NOM1: variants seen among roughly 807,000 people sequenced by gnomAD.
NOM1 encodes the protein nucleolar protein with MIF4G domain 1.
NOM1 carries 58 observed loss-of-function variants against 73.3 expected under a neutral mutation model. That is an observed-to-expected ratio of 0.79 (90% CI 0.64 to 0.99). The LOEUF (loss-of-function observed/expected upper bound fraction) is 0.99. Ranked by LOEUF, NOM1 falls within the 50% of genes least tolerant of loss-of-function variation. The pLI, the probability that NOM1 is intolerant of heterozygous loss-of-function variation, is 0.00. For missense variants in NOM1, 1,226 were observed against 1,131.9 expected, an observed-to-expected ratio of 1.08 and a Z score of -1.19; for synonymous variants, 487 against 446.8, an observed-to-expected ratio of 1.09 and a Z score of -1.14.
rs1483564443 is a variant in NOM1, at chr7:156,952,602, A to G, written c.1112+4A>G. 5.6e-6 allele frequency: 9 copies of G among 1,611,722 alleles called. No individual in the cohort carries two copies. The highest frequency in any genetic ancestry group is 7.6e-6 in the Non-Finnish European group (9 of 1,179,486). ...ATGTAAAAGGTCTACTTAACAGGTG[A>G]CCTTGTAGTGTTGTTACACTGTGTC... On this transcript the variant is annotated splice_donor_region_variant and intron_variant, in intron 2 of 10. Coordinates refer to ENST00000275820, the MANE Select transcript of NOM1 (RefSeq NM_138400.2).
intron 9 of NOM1, among the ~76,000 whole-genome samples, chr7:156,967,378 A>G (rs1031909167): frequency 1.3e-5 from 2 of 152,218 alleles, no homozygotes; most frequent in African/African-American, 2.4e-5. Context: ...TGAACTGGTC[A>G]CTGTTAGTGA....
chr7:156,968,995 T>C, intron 9 of NOM1, 92 bp from the exon 10 acceptor site: 3 of 730,626 alleles, frequency 4.1e-6, no homozygotes, highest in Non-Finnish European at 7.3e-6. Context: ...AGGGGGGAGA[T>C]TAATTTTTAC....
intron 3 of NOM1, among the ~76,000 whole-genome samples, chr7:156,956,669 C>T (rs1418691498): frequency 6.6e-6 from 1 of 152,202 alleles, no homozygotes; most frequent in South Asian, 2.1e-4. Flanking sequence ...CATCTGAGTG[C>T]GGGACTCTTC....
At chr7:156,951,295 A>G (rs11763646) in intron 1 of NOM1, among the ~76,000 whole-genome samples, 29,206 of 151,992 alleles carry the variant, frequency 0.19, 3,001 homozygotes, top group East Asian at 0.29. Context: ...CTACTTGGGA[A>G]GCTGAGGCTT....
chr7:156,951,448 T>C (rs1457384346), intron 1 of NOM1, among the ~76,000 whole-genome samples: 1 of 152,232 alleles, frequency 6.6e-6, no homozygotes, highest in Non-Finnish European at 1.5e-5. Flanking sequence ...GGCTGTCATC[T>C]TGCATATTTT....
At chr7:156,953,889 C>G (rs1201495315) in intron 2 of NOM1, among the ~76,000 whole-genome samples, 2 of 152,154 alleles carry the variant, frequency 1.3e-5, no homozygotes, top group African/African-American at 4.8e-5. Flanking sequence ...CTTGTAAAGA[C>G]AGCAATTACA....
At chr7:156,966,620 T>C (rs1805005007) in intron 8 of NOM1, among the ~76,000 whole-genome samples, 1 of 152,188 alleles carries the variant, frequency 6.6e-6, no homozygotes, top group Non-Finnish European at 1.5e-5. Flanking sequence ...TGTCACCTGC[T>C]TCTGCCACAG....
Position 156,949,831 on chromosome 7 carries a change from C to T in NOM1, c.94C>T (p.Arg32Cys), listed in dbSNP as rs1051512260. 4.6e-5 allele frequency: 67 copies of T among 1,449,824 alleles called. No individual in the cohort carries two copies. The highest frequency in any genetic ancestry group is 1.8e-4 in the Middle Eastern group (1 of 5,490). 89.8% of individuals were successfully genotyped at this position (1,449,824 alleles called of 1,614,324 possible). The change falls in exon 1 of 11, where the codon CGC (arginine) becomes TGC (cysteine). Residue 32 changes from arginine to cysteine, a missense_variant. Arg to Cys is a radical substitution (Grantham distance 180). Coordinates refer to ENST00000275820, the MANE Select transcript of NOM1 (RefSeq NM_138400.2). ...GCGCAGAGGCGGGCGCGGGCCGCGC[C>T]GCGGTCCTGCTGGCGGTGGGGAGAA... is the stretch of plus-strand genomic sequence containing the variant. ...MKRRGGRGPRRGPAGGGEKAL... is the reference protein window; with the variant it reads ...MKRRGGRGPRCGPAGGGEKAL...
At chr7:156,950,872 G>C (rs1804575788) in intron 1 of NOM1, 148 bp downstream of exon 1, 1 of 712,622 alleles carries the variant, frequency 1.4e-6, no homozygotes, top group African/African-American at 1.8e-5. Context: ...TACTCTATTC[G>C]GTCTTCTTTC....
chr7:156,962,542 C>CG (rs1392661359), intron 5 of NOM1, among the ~76,000 whole-genome samples: 2 of 152,186 alleles, frequency 1.3e-5, no homozygotes, highest in Non-Finnish European at 1.5e-5. Context: ...TTGGATCATC[C>CG]GATGCTTTCA....
intron 4 of NOM1, 116 bp from the exon 5 acceptor site, chr7:156,962,035 T>A: frequency 1.3e-6 from 1 of 783,212 alleles, no homozygotes; most frequent in Non-Finnish European, 2.2e-6. Flanking sequence ...GTCCTGACTT[T>A]GTATCGTGGC....
At chr7:156,955,899 C>T (rs993897393) in intron 3 of NOM1, among the ~76,000 whole-genome samples, 1 of 152,124 alleles carries the variant, frequency 6.6e-6, no homozygotes, top group Non-Finnish European at 1.5e-5. Context: ...TTAAGATGCA[C>T]ATATTTGCCG....
chr7:156,954,434 A>T, intron 3 of NOM1, 136 bp downstream of exon 3: 1 of 625,166 alleles, frequency 1.6e-6, no homozygotes. Context: ...TAAATACTCT[A>T]TTGTCTATGT....
intron 10 of NOM1, 50 bp from the exon 11 acceptor site, chr7:156,969,479 T>C (rs762672066): frequency 2.0e-6 from 3 of 1,519,638 alleles, no homozygotes; most frequent in South Asian, 2.4e-5. Flanking sequence ...GATTGAGATC[T>C]AGGAGAGGCC....
chr7:156,957,774 C>CAAAAAAAAAAAA (rs10549596), intron 3 of NOM1, among the ~76,000 whole-genome samples: 1 of 115,542 alleles, frequency 8.7e-6, no homozygotes, highest in Non-Finnish European at 1.7e-5. Context: ...GACTCCGTCT[C>CAAAAAAAAAAAA]AAAAAAAAAA....
intron 3 of NOM1, among the ~76,000 whole-genome samples, chr7:156,955,915 G>T (rs1182923362): frequency 6.6e-6 from 1 of 152,202 alleles, no homozygotes; most frequent in Non-Finnish European, 1.5e-5. Context: ...TGCCGGCCGG[G>T]CGCGGTGGCT....
chr7:156,954,426 A>T, intron 3 of NOM1, 128 bp downstream of exon 3: 1 of 691,212 alleles, frequency 1.4e-6, no homozygotes, highest in South Asian at 2.5e-5. Context: ...GTTGTGAATA[A>T]ATACTCTATT....
intron 4 of NOM1, chr7:156,960,379 T>A: frequency 3.6e-6 from 2 of 554,536 alleles, no homozygotes; most frequent in Non-Finnish European, 6.3e-6. Context: ...AAAAACTGAT[T>A]TATTTAACAT....
chr7:156,950,858 A>ACTCTATT, intron 1 of NOM1, 134 bp downstream of exon 1: 1 of 749,752 alleles, frequency 1.3e-6, no homozygotes, highest in South Asian at 1.9e-5. Context: ...TAAATCGAGT[A>ACTCTATT]CGTTACTCTA....
Sources: gnomAD v4.1 joint callset for allele counts (sites outside exome capture counted in the v4.1 genomes callset) on GRCh38, gnomAD v4.1.1 for gene constraint, MANE v1.5 for transcripts, NCBI Gene and HGNC (gene_info 2026-07-23, HGNC 2026-07-21) for gene names.